Variants in SLC20A2 observed in about 807,000 individuals in gnomAD.
SLC20A2 encodes the protein sodium-dependent phosphate transporter 2.
A neutral mutation model predicts 61.0 loss-of-function variants in SLC20A2; 30 were observed. The observed-to-expected ratio is 0.49, with a 90% CI of 0.37 to 0.67. SLC20A2 has a LOEUF of 0.67. Among genes scored for constraint, SLC20A2 ranks in the 30% least tolerant of loss-of-function variants. The pLI is 0.00. For synonymous variants in SLC20A2, 351 were observed against 353.3 expected, an observed-to-expected ratio of 0.99 and a Z score of 0.07; for missense variants, 626 against 866.4, an observed-to-expected ratio of 0.72 and a Z score of 3.48.
At chr8:42,526,484 T>C (rs1586271618) in intron 1 of SLC20A2, among the ~76,000 whole-genome samples, 1 of 152,002 alleles carries the variant, frequency 6.6e-6, no homozygotes, top group Non-Finnish European at 1.5e-5. Flanking sequence ...CCCTCCTGGC[T>C]AACACAGTGA....
chr8:42,520,347 T>C (rs1811571649), intron 1 of SLC20A2, among the ~76,000 whole-genome samples: 4 of 151,678 alleles, frequency 2.6e-5, no homozygotes, highest in Admixed American at 6.6e-5. Flanking sequence ...ATTTTAAAAA[T>C]TCTTCATGTC....
chr8:42,536,911 C>T (rs996505533), intron 1 of SLC20A2, among the ~76,000 whole-genome samples: 1 of 151,756 alleles, frequency 6.6e-6, no homozygotes, highest in Non-Finnish European at 1.5e-5. Context: ...CCGTCTTCTA[C>T]TAAAAATAGA....
In SLC20A2 at chr8:42,532,797, G is replaced by A. The variant is rs957373356; in HGVS notation, c.-265+9024C>T. The stretch of plus-strand genomic sequence containing the variant: ...GGAGAAGAACAAAGCAGGACTGACC[G>A]GGCTGAGTGGAACGTAAGTGGACCA... On this transcript the variant is annotated intron_variant, in intron 1 of 10. Coordinates refer to the SLC20A2 transcript ENST00000342228. Among the ~76,000 whole-genome samples, 6 of 152,280 alleles carry A rather than the reference G, an allele frequency of 3.9e-5. No individual in the cohort carries two copies. The South Asian group carries it at 1.2e-3, about 32-fold the overall frequency.
chr8:42,488,159 T>G (rs1317876595), intron 1 of SLC20A2, among the ~76,000 whole-genome samples: 6 of 151,204 alleles, frequency 4.0e-5, no homozygotes, highest in South Asian at 2.1e-4. Context: ...CTGTGACTTT[T>G]AGCGACTGTG....
chr8:42,504,852 CAAAAAAAAAAAAAA>C (rs771127709), upstream of SLC20A2, among the ~76,000 whole-genome samples: 184 of 16,484 alleles, frequency 0.011, 4 homozygotes, highest in African/African-American at 0.028. Flanking sequence ...GACTCCGTCT[CAAAAAAAAAAAAAA>C]AAAAAAAAAA....
chr8:42,443,310 A>G (rs774973437), intron 6 of SLC20A2, among the ~76,000 whole-genome samples: 1 of 119,292 alleles, frequency 8.4e-6, no homozygotes, highest in Admixed American at 8.6e-5. Context: ...TATATATATA[A>G]TAAAATGTAT....
intron 10 of SLC20A2, among the ~76,000 whole-genome samples, chr8:42,423,938 A>G (rs1803214332): frequency 6.6e-6 from 1 of 152,220 alleles, no homozygotes; most frequent in African/African-American, 2.4e-5. Context: ...AGAATTAGAA[A>G]TTAAATTAGA....
intron 5 of SLC20A2, among the ~76,000 whole-genome samples, chr8:42,452,889 A>T (rs1394565308): frequency 3.9e-5 from 6 of 152,108 alleles, no homozygotes; most frequent in African/African-American, 1.4e-4. Flanking sequence ...TTTTGGGAGT[A>T]CCCATTACAT....
At chr8:42,447,500 AC>A (rs1285826065) in intron 5 of SLC20A2, among the ~76,000 whole-genome samples, 2 of 151,754 alleles carry the variant, frequency 1.3e-5, no homozygotes, top group Non-Finnish European at 2.9e-5. Flanking sequence ...ACACGGTGAA[AC>A]CCCGTCTCTA....
At chr8:42,459,784 G>C (rs1013920893) in intron 5 of SLC20A2, 112 bp downstream of exon 5, 4 of 685,202 alleles carry the variant, frequency 5.8e-6, no homozygotes, top group Non-Finnish European at 1.0e-5. Context: ...ATTCCATAAT[G>C]ACCATGAGTA....
At chr8:42,524,601 C>T (rs747749086) in intron 1 of SLC20A2, among the ~76,000 whole-genome samples, 1 of 152,002 alleles carries the variant, frequency 6.6e-6, no homozygotes, top group Non-Finnish European at 1.5e-5. Context: ...GCCTTGCCAA[C>T]ATGGTGAAAC....
At chr8:42,451,402 GAT>G (rs1805632592) in intron 5 of SLC20A2, among the ~76,000 whole-genome samples, 1 of 149,346 alleles carries the variant, frequency 6.7e-6, no homozygotes. Context: ...AGGAGGAAGA[GAT>G]AGAGGAGAAG....
At chr8:42,534,860 A>G (rs1812606478) in intron 1 of SLC20A2, 1 of 152,180 alleles carries the variant, frequency 6.6e-6, no homozygotes, top group African/African-American at 2.4e-5. Context: ...TTGTTCTCCC[A>G]CTGTTGTTAC....
At chr8:42,507,826 A>G (rs528125203) in intron 1 of SLC20A2, among the ~76,000 whole-genome samples, 22 of 152,332 alleles carry the variant, frequency 1.4e-4, no homozygotes, top group Admixed American at 1.2e-3. Context: ...GTTCATTCCA[A>G]TAGGAACATA....
At chr8:42,421,592 G>C (rs1803041226) in intron 10 of SLC20A2, among the ~76,000 whole-genome samples, 1 of 152,134 alleles carries the variant, frequency 6.6e-6, no homozygotes, top group African/African-American at 2.4e-5. Flanking sequence ...ATCACCTGAG[G>C]TCAGGAGTTC....
At chr8:42,444,855 C>T (rs188779206) in intron 5 of SLC20A2, 93 bp from the exon 6 acceptor site, 316 of 801,056 alleles carry the variant, frequency 3.9e-4, no homozygotes, top group Non-Finnish European at 6.2e-4. Context: ...AAATCGAGAA[C>T]GAATCACCTG....
chr8:42,477,534 G>A (rs767948835), intron 1 of SLC20A2, among the ~76,000 whole-genome samples: 19 of 141,702 alleles, frequency 1.3e-4, no homozygotes, highest in Middle Eastern at 8.5e-3. Context: ...GCAGTGGCGC[G>A]ATCTTGGCTC....
chr8:42,459,907 G>C lies in SLC20A2; in HGVS notation c.602C>G (p.Thr201Arg), dbSNP rs765874274. 1.2e-6 allele frequency: 2 copies of C among 1,611,300 alleles called. No individual in the cohort carries two copies. Among genetic ancestry groups the C allele is most frequent in the Non-Finnish European group, 1.7e-6 (2 of 1,177,952 alleles). ...CAAGGGATCCTTACCTGGTGCTCCTGTGTACATGATGGAAAAGACATTGAT... is the reference window on the plus strand; with the variant it reads ...CAAGGGATCCTTACCTGGTGCTCCTCTGTACATGATGGAAAAGACATTGAT... ...IAINVFSIMY[T>R]GAPVLGLVLP... The change falls in exon 5 of 11, where the codon ACA becomes AGA. Residue 201 changes from threonine (T) to arginine (R), a missense_variant. Thr to Arg is a moderately conservative substitution (Grantham distance 71). This residue lies in a region of SLC20A2 where 361 missense variants were observed against 422.3 expected (regional missense o/e 0.85). Coordinates refer to ENST00000520262, the MANE Select transcript of SLC20A2 (RefSeq NM_001257180.2).
intron 5 of SLC20A2, among the ~76,000 whole-genome samples, chr8:42,448,030 T>C (rs1258834734): frequency 1.3e-5 from 2 of 152,266 alleles, no homozygotes; most frequent in Non-Finnish European, 2.9e-5. Flanking sequence ...CAGCGTCTGC[T>C]GTCCACCTTC....
Sources: gnomAD v4.1 joint callset for allele counts (sites outside exome capture counted in the v4.1 genomes callset) on GRCh38, gnomAD v4.1.1 for gene constraint, gnomAD v4.1.1 regional missense constraint, MANE v1.5 for transcripts, NCBI Gene and HGNC (gene_info 2026-07-23, HGNC 2026-07-21) for gene names.